WLS: variants seen among roughly 807,000 people sequenced by gnomAD.
WLS encodes the protein protein wntless homolog.
A neutral mutation model predicts 62.8 loss-of-function variants in WLS; 23 were observed. That is an observed-to-expected ratio of 0.37 (90% CI 0.26 to 0.52). The LOEUF is 0.52. Among genes scored for constraint, WLS ranks in the 20% least tolerant of loss-of-function variants. WLS has a pLI of 0.92. For synonymous variants in WLS, 246 were observed against 244.1 expected (o/e 1.01, Z -0.07); for missense variants, 615 against 697.3 (o/e 0.88, Z 1.33).
intron 11 of WLS, among the ~76,000 whole-genome samples, chr1:68,127,914 C>T (rs750596004): frequency 1.7e-4 from 26 of 152,250 alleles, no homozygotes; most frequent in Non-Finnish European, 3.2e-4. Flanking sequence ...GTTCCCTTCA[C>T]GTGTGCCACG....
intron 10 of WLS, among the ~76,000 whole-genome samples, chr1:68,138,792 G>A (rs1230255607): frequency 3.3e-5 from 5 of 152,166 alleles, no homozygotes; most frequent in East Asian, 1.9e-4. Flanking sequence ...TGCTTACTAC[G>A]GGACACTTAA....
intron 1 of WLS, among the ~76,000 whole-genome samples, chr1:68,227,826 T>C (rs914281282): frequency 6.6e-6 from 1 of 152,194 alleles, no homozygotes; most frequent in Non-Finnish European, 1.5e-5. Context: ...CATTAAGATA[T>C]ATTAAAAGAA....
intron 8 of WLS, among the ~76,000 whole-genome samples, chr1:68,147,817 G>C (rs1444083693): frequency 6.6e-6 from 1 of 152,158 alleles, no homozygotes. Context: ...TGGCTCCAGG[G>C]AAAAGCTAGT....
intron 11 of WLS, among the ~76,000 whole-genome samples, chr1:68,119,456 G>A (rs1481271280): frequency 6.6e-6 from 1 of 152,194 alleles, no homozygotes; most frequent in African/African-American, 2.4e-5. Context: ...GAGGCCATGG[G>A]TGCCTCACCC....
rs1647588662 is a variant in WLS, at chr1:68,181,776, T to G, written c.379+12179A>C. Among the ~76,000 whole-genome samples the G allele has an allele frequency of 2.0e-5, 3 of 152,192 alleles. No homozygotes were observed. In the South Asian group the frequency reaches 6.2e-4, roughly 31 times the overall value. ...TCCAGCTGCTAAATTAAAGGATTAG[T>G]GCTTTAACTTGGGTCAACCACCCAT... is the stretch of plus-strand genomic sequence containing the variant. On this transcript the variant is annotated intron_variant, in intron 2 of 11. Transcript: ENST00000262348.
chr1:68,142,951 T>C (rs1256129643), intron 10 of WLS: 4 of 152,142 alleles, frequency 2.6e-5, no homozygotes, highest in Non-Finnish European at 5.9e-5. Flanking sequence ...ATCCCTATAG[T>C]GTTAGTACTA....
chr1:68,213,685 G>A (rs546396028), intron 1 of WLS, among the ~76,000 whole-genome samples: 2 of 151,486 alleles, frequency 1.3e-5, no homozygotes, highest in Admixed American at 6.6e-5. Context: ...AAACCCCCAT[G>A]TATCAAAAAA....
chr1:68,193,739 A>C (rs978058393), intron 2 of WLS: 8 of 567,910 alleles, frequency 1.4e-5, no homozygotes, highest in South Asian at 2.2e-5. Flanking sequence ...CAAGTGTTCC[A>C]TCTGTAAAAT....
At chr1:68,206,383 A>G (rs899633639) in intron 1 of WLS, among the ~76,000 whole-genome samples, 3 of 152,202 alleles carry the variant, frequency 2.0e-5, no homozygotes, top group African/African-American at 7.2e-5. Flanking sequence ...CAATAAAATC[A>G]AACTGGCCCA....
Position 68,232,390 on chromosome 1 carries a change from G to C in WLS, c.-91C>G, listed in dbSNP as rs1194733766. 6.7e-7 allele frequency: 1 copy of C among 1,496,234 alleles called. No homozygotes were observed. The highest frequency in any genetic ancestry group is 1.8e-4 in the Middle Eastern group (1 of 5,700). 92.7% of individuals were successfully genotyped at this position (1,496,234 alleles called of 1,614,324 possible). ...CCTCTCACACACTCCCTCCTTCCTC[G>C]CCTCCTTTCTGGGCGCTGCAAAACT... On this transcript the variant is annotated 5_prime_UTR_variant, in exon 1 of 12. Coordinates refer to ENST00000262348, the MANE Select transcript of WLS (RefSeq NM_024911.7).
intron 10 of WLS, 125 bp downstream of exon 10, chr1:68,144,444 C>T: frequency 2.3e-6 from 2 of 853,654 alleles, no homozygotes; most frequent in Non-Finnish European, 1.7e-6. Flanking sequence ...AAAAATATGG[C>T]TTGACCAGCT....
intron 1 of WLS, among the ~76,000 whole-genome samples, chr1:68,213,171 C>T (rs937649891): frequency 6.6e-6 from 1 of 152,034 alleles, no homozygotes; most frequent in South Asian, 2.1e-4. Flanking sequence ...GGAAGTAAAG[C>T]CGGGCGTGGT....
chr1:68,228,593 A>T (rs946272390), intron 1 of WLS, among the ~76,000 whole-genome samples: 1 of 152,090 alleles, frequency 6.6e-6, no homozygotes, highest in African/African-American at 2.4e-5. Flanking sequence ...TTATATTTTT[A>T]AAAATATTTA....
chr1:68,131,050 G>A (rs1282170459), intron 11 of WLS, among the ~76,000 whole-genome samples: 1 of 105,496 alleles, frequency 9.5e-6, no homozygotes, highest in Non-Finnish European at 2.0e-5. Flanking sequence ...ATGCCACCAT[G>A]CCCAGCTAAT....
intron 11 of WLS, among the ~76,000 whole-genome samples, chr1:68,112,752 TAAG>T (rs1379239311): frequency 1.3e-5 from 2 of 152,238 alleles, no homozygotes; most frequent in East Asian, 1.9e-4. Context: ...CCTTGATTGT[TAAG>T]AAGATTTTAA....
At chr1:68,173,234 G>A (rs1252501495) in intron 2 of WLS, among the ~76,000 whole-genome samples, 2 of 152,232 alleles carry the variant, frequency 1.3e-5, no homozygotes, top group Non-Finnish European at 2.9e-5. Context: ...GAAAGCAAAT[G>A]TGGCAACAGC....
chr1:68,155,776 C>A (rs953415459), intron 3 of WLS, among the ~76,000 whole-genome samples: 1 of 151,996 alleles, frequency 6.6e-6, no homozygotes, highest in African/African-American at 2.4e-5. Flanking sequence ...CTGAAAATAT[C>A]TTCTTTTTAT....
chr1:68,132,167 TG>T (rs1156597629), intron 11 of WLS, among the ~76,000 whole-genome samples: 3 of 152,202 alleles, frequency 2.0e-5, no homozygotes, highest in Non-Finnish European at 4.4e-5. Context: ...GTCAGGTCAC[TG>T]GCACAGCAAT....
At chr1:68,120,400 G>T (rs925892531), downstream of WLS, among the ~76,000 whole-genome samples, 3 of 152,182 alleles carry the variant, frequency 2.0e-5, no homozygotes, top group African/African-American at 7.2e-5. Context: ...TTTTAAGGCT[G>T]GACTAACATC....
Sources: allele counts gnomAD v4.1 joint callset (sites outside exome capture counted in the v4.1 genomes callset), GRCh38; gene constraint gnomAD v4.1.1; transcripts MANE v1.5; gene names NCBI Gene and HGNC (gene_info 2026-07-23, HGNC 2026-07-21).